Variants in EXT2 observed in about 807,000 individuals in gnomAD.
The protein encoded by EXT2 is exostosin glycosyltransferase 2, also known as exostosin-2.
EXT2 carries 53 observed loss-of-function variants against 81.6 expected under a neutral mutation model. The ratio of observed to expected loss-of-function variants is 0.65; its 90% CI spans 0.52 to 0.82. The LOEUF (loss-of-function observed/expected upper bound fraction) is 0.82. EXT2 is among the 40% of genes least tolerant of loss of function. The probability of loss-of-function intolerance (pLI) is 0.00; values close to 1 mark genes in which losing one functional copy is unlikely to be tolerated. For missense variants in EXT2, 774 were observed against 910.2 expected, an observed-to-expected ratio of 0.85 and a Z score of 1.93; for synonymous variants, 320 against 340.0, an observed-to-expected ratio of 0.94 and a Z score of 0.65.
intron 10 of EXT2, among the ~76,000 whole-genome samples, chr11:44,227,960 C>A (rs1243821948): frequency 2.0e-5 from 3 of 152,198 alleles, no homozygotes; most frequent in African/African-American, 7.2e-5. Flanking sequence ...CAACTTCACA[C>A]AATCCTTACA....
At chr11:44,167,480 A>G (rs1590614335) in intron 7 of EXT2, among the ~76,000 whole-genome samples, 1 of 152,310 alleles carries the variant, frequency 6.6e-6, no homozygotes. Context: ...CTTTAAGCAT[A>G]AGGGAAAGCT....
chr11:44,167,906 T>C (rs1369530876), intron 7 of EXT2, among the ~76,000 whole-genome samples: 10 of 152,050 alleles, frequency 6.6e-5, no homozygotes, highest in Non-Finnish European at 4.4e-5. Flanking sequence ...GCTGGTGCGC[T>C]GCACCCACTA....
intron 13 of EXT2, among the ~76,000 whole-genome samples, chr11:44,237,733 A>G (rs1162316203): frequency 6.6e-6 from 1 of 152,060 alleles, no homozygotes; most frequent in Non-Finnish European, 1.5e-5. Flanking sequence ...CAACTCCTCT[A>G]GCACTACTGA....
At chr11:44,184,923 G>A (rs373525649) in intron 8 of EXT2, among the ~76,000 whole-genome samples, 27 of 152,222 alleles carry the variant, frequency 1.8e-4, no homozygotes, top group African/African-American at 6.3e-4. Context: ...TCATATTTTG[G>A]TACAGTGCTT....
At chr11:44,153,651 T>C (rs1166430444) in intron 7 of EXT2, among the ~76,000 whole-genome samples, 1 of 152,164 alleles carries the variant, frequency 6.6e-6, no homozygotes, top group Non-Finnish European at 1.5e-5. Flanking sequence ...GTAGGTTTTT[T>C]TGTAGATATT....
intron 7 of EXT2, among the ~76,000 whole-genome samples, chr11:44,158,069 C>CTAG (rs762662976): frequency 6.6e-6 from 1 of 152,196 alleles, no homozygotes; most frequent in South Asian, 2.1e-4. Flanking sequence ...TGTGGTTGAG[C>CTAG]TAGTATCCAA....
In EXT2 at chr11:44,251,496, G is replaced by C. The variant is rs916931874; in HGVS notation, c.*7209G>C. Among the ~76,000 whole-genome samples the C allele has an allele frequency of 2.7e-4, 41 of 152,070 alleles. No homozygotes were observed. Among genetic ancestry groups the C allele is most frequent in the African/African-American group, 9.9e-4 (41 of 41,398 alleles). On this transcript the variant is annotated 3_prime_UTR_variant, in exon 14 of 14. Coordinates refer to ENST00000533608, the MANE Select transcript of EXT2 (RefSeq NM_207122.2). ...ACAGCACAATAAAAGTATCCCATGA[G>C]ACCATTATGAGCAGGACACGACATT...
intron 12 of EXT2, among the ~76,000 whole-genome samples, 168 bp from the exon 13 acceptor site, chr11:44,236,125 T>A (rs1955961314): frequency 6.6e-6 from 1 of 152,180 alleles, no homozygotes; most frequent in Admixed American, 6.5e-5. Flanking sequence ...TGCCGTTGGC[T>A]GAGCCAGACA....
chr11:44,147,712 C>A (rs1460667701), intron 7 of EXT2, among the ~76,000 whole-genome samples: 1 of 116,088 alleles, frequency 8.6e-6, no homozygotes, highest in South Asian at 3.2e-4. Flanking sequence ...AGGCGCCTGC[C>A]ACCACCCCCA....
chr11:44,106,907 A>G (rs1425618345), intron 1 of EXT2, among the ~76,000 whole-genome samples: 1 of 152,150 alleles, frequency 6.6e-6, no homozygotes, highest in Non-Finnish European at 1.5e-5. Context: ...GGGATTATAG[A>G]CGTGAGCCAC....
chr11:44,239,633 C>T (rs187229131), intron 13 of EXT2, among the ~76,000 whole-genome samples: 150 of 150,056 alleles, frequency 1.0e-3, no homozygotes, highest in African/African-American at 3.4e-3. Context: ...CCTCAGGATC[C>T]GCCCACCTCG....
At chr11:44,194,506 G>T (rs1024707420) in intron 8 of EXT2, among the ~76,000 whole-genome samples, 3 of 152,176 alleles carry the variant, frequency 2.0e-5, no homozygotes, top group African/African-American at 7.2e-5. Flanking sequence ...AGGGCATAGG[G>T]AAGGGCTGTG....
rs1353643148 is a variant in EXT2, at chr11:44,246,955, A to G, written c.*2668A>G. Among the ~76,000 whole-genome samples, 2 of 152,274 alleles carry G rather than the reference A, an allele frequency of 1.3e-5. No homozygotes were observed. The highest frequency in any genetic ancestry group is 4.8e-5 in the African/African-American group (2 of 41,480). Reference sequence around the variant, plus strand: ...TTAAAGAAACACATCTTACTGGCCTATAGAGAAGACGAACTTGAACTGGCC... The same window carrying G: ...TTAAAGAAACACATCTTACTGGCCTGTAGAGAAGACGAACTTGAACTGGCC... On this transcript the variant is annotated 3_prime_UTR_variant, in exon 14 of 14. Transcript: ENST00000533608.
chr11:44,114,779 G>A (rs767600508), intron 4 of EXT2, among the ~76,000 whole-genome samples: 16 of 151,500 alleles, frequency 1.1e-4, no homozygotes, highest in African/African-American at 2.7e-4. Flanking sequence ...TAAGATTCAC[G>A]TTAGTCCTTA....
chr11:44,203,282 G>A (rs1955542030), intron 9 of EXT2, among the ~76,000 whole-genome samples: 1 of 152,172 alleles, frequency 6.6e-6, no homozygotes, highest in African/African-American at 2.4e-5. Flanking sequence ...AACAGGATTT[G>A]CCTACTACAG....
intron 8 of EXT2, among the ~76,000 whole-genome samples, chr11:44,185,509 C>G (rs911655459): frequency 1.3e-5 from 2 of 151,390 alleles, no homozygotes; most frequent in Admixed American, 1.3e-4. Flanking sequence ...TTTTTTTGCC[C>G]TTGTGGGTTC....
chr11:44,100,444 T>A (rs1223518032), intron 1 of EXT2, among the ~76,000 whole-genome samples: 2 of 152,224 alleles, frequency 1.3e-5, no homozygotes, highest in Non-Finnish European at 2.9e-5. Context: ...ACGAGTGGTT[T>A]AGGATGAGAC....
rs1276665372 is a variant in EXT2, at chr11:44,095,838, G to T, written c.-45G>T. Reference sequence around the variant, plus strand: ...GACCAAGCTCGGGGCCGAGCGGGAGGCAGCCGTGGCCGAGGTAAGCGCGGC... The same window carrying T: ...GACCAAGCTCGGGGCCGAGCGGGAGTCAGCCGTGGCCGAGGTAAGCGCGGC... On this transcript the variant is annotated 5_prime_UTR_variant, in exon 1 of 14. Coordinates refer to ENST00000533608, the MANE Select transcript of EXT2 (RefSeq NM_207122.2). The T allele has an allele frequency of 5.8e-5, 10 of 171,300 alleles. No homozygotes were observed. The highest frequency in any genetic ancestry group is 1.3e-4 in the Admixed American group (2 of 15,484). 10.6% of individuals were successfully genotyped at this position (171,300 alleles called of 1,614,324 possible). A position where few individuals can be genotyped will look rare whatever the true frequency, so the allele number is the denominator to read the frequency against.
intron 10 of EXT2, among the ~76,000 whole-genome samples, 169 bp from the exon 11 acceptor site, chr11:44,232,184 C>T (rs925138862): frequency 6.6e-6 from 1 of 152,140 alleles, no homozygotes; most frequent in African/African-American, 2.4e-5. Context: ...TGAGTTTTGG[C>T]AGAATAACTA....
Sources: allele counts gnomAD v4.1 joint callset (sites outside exome capture counted in the v4.1 genomes callset), GRCh38; gene constraint gnomAD v4.1.1; transcripts MANE v1.5; gene names NCBI Gene and HGNC (gene_info 2026-07-23, HGNC 2026-07-21).